The following MACROD2 variants were observed in gnomAD, a reference collection of about 807,000 sequenced individuals.
The protein encoded by MACROD2 is mono-ADP ribosylhydrolase 2, also known as ADP-ribose glycohydrolase MACROD2.
A neutral mutation model predicts 70.4 loss-of-function variants in MACROD2; 36 were observed. The ratio of observed to expected loss-of-function variants is 0.51; its 90% CI spans 0.39 to 0.68. The LOEUF (loss-of-function observed/expected upper bound fraction) is 0.68. Among genes scored for constraint, MACROD2 ranks in the 30% least tolerant of loss-of-function variants. MACROD2 has a pLI of 0.00. For synonymous variants in MACROD2, 172 were observed against 178.8 expected, an observed-to-expected ratio of 0.96 and a Z score of 0.30; for missense variants, 496 against 538.4, an observed-to-expected ratio of 0.92 and a Z score of 0.78.
chr20:14,349,123 A>T (rs1209143809), intron 3 of MACROD2, among the ~76,000 whole-genome samples: 1 of 151,948 alleles, frequency 6.6e-6, no homozygotes, highest in African/African-American at 2.4e-5. Flanking sequence ...CTGAATTCCC[A>T]CTATCCAGTA....
At chr20:14,127,620 T>C in intron 3 of MACROD2, 1 of 441,524 alleles carries the variant, frequency 2.3e-6, no homozygotes, top group Non-Finnish European at 4.3e-6. Context: ...CAAGAGCTAA[T>C]TCAGACAGAA....
chr20:15,913,165 A>G, intron 10 of MACROD2, among the ~76,000 whole-genome samples: 1 of 152,248 alleles, frequency 6.6e-6, no homozygotes, highest in South Asian at 2.1e-4. Flanking sequence ...TATCACTATT[A>G]TTATTATTAT....
intron 8 of MACROD2, among the ~76,000 whole-genome samples, chr20:15,674,834 ATTATTTT>A (rs2050034703): frequency 6.6e-6 from 1 of 152,092 alleles, no homozygotes; most frequent in Non-Finnish European, 1.5e-5. Flanking sequence ...AGATGTATGC[ATTATTTT>A]TCTCCTAAAG....
chr20:15,331,434 A>G (rs1318064903), intron 6 of MACROD2, among the ~76,000 whole-genome samples: 3 of 151,736 alleles, frequency 2.0e-5, no homozygotes, highest in Non-Finnish European at 4.4e-5. Flanking sequence ...TATAATGCAC[A>G]TCAATTTTTT....
intron 8 of MACROD2, among the ~76,000 whole-genome samples, chr20:15,835,077 C>A (rs940583694): frequency 3.3e-5 from 5 of 152,180 alleles, no homozygotes; most frequent in Non-Finnish European, 5.9e-5. Flanking sequence ...TGGAGAGGAT[C>A]CAGGGCCTCC....
intron 3 of MACROD2, among the ~76,000 whole-genome samples, chr20:14,212,994 C>T (rs2081583091): frequency 6.6e-6 from 1 of 151,614 alleles, no homozygotes; most frequent in Non-Finnish European, 1.5e-5. Context: ...ATACATCACG[C>T]AACAACAGAA....
intron 6 of MACROD2, among the ~76,000 whole-genome samples, chr20:15,263,857 G>C (rs1453454609): frequency 6.6e-6 from 1 of 152,000 alleles, no homozygotes; most frequent in African/African-American, 2.4e-5. Flanking sequence ...GTCTAGAAAT[G>C]CTACTGATTT....
intron 3 of MACROD2, among the ~76,000 whole-genome samples, chr20:14,277,741 G>T (rs2082272066): frequency 6.6e-6 from 1 of 152,106 alleles, no homozygotes; most frequent in East Asian, 1.9e-4. Flanking sequence ...AAAGAAATAG[G>T]TAGAGAATCT....
At chr20:16,032,111 ACTTTAT>A (rs2067159227) in intron 15 of MACROD2, among the ~76,000 whole-genome samples, 1 of 152,212 alleles carries the variant, frequency 6.6e-6, no homozygotes, top group East Asian at 1.9e-4. Context: ...GGTTTATTGA[ACTTTAT>A]CTTTATTTCT....
chr20:15,158,917 G>A (rs1194417237), intron 5 of MACROD2, among the ~76,000 whole-genome samples: 4 of 152,100 alleles, frequency 2.6e-5, no homozygotes, highest in Non-Finnish European at 5.9e-5. Context: ...ATCTGAAGAT[G>A]TTGACCATGG....
chr20:14,201,034 A>G (rs1407589758), intron 3 of MACROD2, among the ~76,000 whole-genome samples: 1 of 151,186 alleles, frequency 6.6e-6, no homozygotes, highest in Non-Finnish European at 1.5e-5. Flanking sequence ...TTTAAACACA[A>G]TTTTACTTCT....
At chr20:15,281,592 C>T (rs1421651284) in intron 6 of MACROD2, among the ~76,000 whole-genome samples, 1 of 152,228 alleles carries the variant, frequency 6.6e-6, no homozygotes, top group Non-Finnish European at 1.5e-5. Flanking sequence ...AACTCCATGT[C>T]TCACACCCAG....
At chr20:15,795,655 A>C (rs2147063105) in intron 8 of MACROD2, among the ~76,000 whole-genome samples, 1 of 152,296 alleles carries the variant, frequency 6.6e-6, no homozygotes, top group South Asian at 2.1e-4. Flanking sequence ...ATTTATTAAG[A>C]TATGTGTGGC....
chr20:14,106,432 C>CT (rs2054369490), intron 3 of MACROD2, among the ~76,000 whole-genome samples: 1 of 152,150 alleles, frequency 6.6e-6, no homozygotes, highest in Non-Finnish European at 1.5e-5. Flanking sequence ...ACGTAAATCT[C>CT]TAAGGTTTTT....
intron 6 of MACROD2, among the ~76,000 whole-genome samples, chr20:15,246,369 T>C (rs1184026916): frequency 6.6e-6 from 1 of 152,186 alleles, no homozygotes; most frequent in Non-Finnish European, 1.5e-5. Flanking sequence ...CAGCAATCCA[T>C]GCCTTTACAA....
chr20:14,939,106 G>A (rs73093904), intron 5 of MACROD2, among the ~76,000 whole-genome samples: 24,736 of 151,540 alleles, frequency 0.16, 2,371 homozygotes, highest in Non-Finnish European at 0.22. Flanking sequence ...TTAGCTTGAC[G>A]TAATCTCATT....
chr20:15,357,154 G>A (rs768135969), intron 6 of MACROD2, among the ~76,000 whole-genome samples: 10 of 151,978 alleles, frequency 6.6e-5, no homozygotes, highest in Non-Finnish European at 1.5e-4. Flanking sequence ...TAGTTTTATC[G>A]TTATCCAGCC....
chr20:15,848,209 T>C (rs1335591922), intron 8 of MACROD2, among the ~76,000 whole-genome samples: 3 of 152,006 alleles, frequency 2.0e-5, no homozygotes, highest in African/African-American at 4.8e-5. Context: ...CTCTCTCTCT[T>C]TCTCTCTCTC....
At chr20:14,083,320 G>A (rs2054025889) in intron 2 of MACROD2, among the ~76,000 whole-genome samples, 1 of 151,912 alleles carries the variant, frequency 6.6e-6, no homozygotes, top group African/African-American at 2.4e-5. Context: ...CTACTTGGGA[G>A]GCTGAGGCAT....
Sources: allele counts gnomAD v4.1 joint callset (sites outside exome capture counted in the v4.1 genomes callset), GRCh38; gene constraint gnomAD v4.1.1; transcripts MANE v1.5; gene names NCBI Gene and HGNC (gene_info 2026-07-23, HGNC 2026-07-21).